ZNRF1: variants seen among roughly 807,000 people sequenced by gnomAD.
ZNRF1 encodes the protein E3 ubiquitin-protein ligase ZNRF1.
Under a neutral mutation model 18.4 loss-of-function variants are expected in ZNRF1, and 3 were observed. The ratio of observed to expected loss-of-function variants is 0.16; its 90% CI spans 0.07 to 0.42. The LOEUF is 0.42. Ranked by LOEUF, ZNRF1 falls within the 10% of genes least tolerant of loss-of-function variation. The pLI, the probability that ZNRF1 is intolerant of heterozygous loss-of-function variation, is 0.99. For missense variants in ZNRF1, 310 were observed against 329.8 expected (o/e 0.94, Z 0.47); for synonymous variants, 157 against 144.2 (o/e 1.09, Z -0.64).
chr16:75,103,068 G>A (rs1019695300), intron 2 of ZNRF1, among the ~76,000 whole-genome samples: 1 of 152,168 alleles, frequency 6.6e-6, no homozygotes, highest in Non-Finnish European at 1.5e-5. Flanking sequence ...GGGCCTGCGC[G>A]TGAGAAGATG....
chr16:75,063,200 G>T (rs898919605), intron 1 of ZNRF1, among the ~76,000 whole-genome samples: 1 of 152,156 alleles, frequency 6.6e-6, no homozygotes, highest in Non-Finnish European at 1.5e-5. Context: ...ACATAGCCCC[G>T]CTTCCCCAGC....
intron 1 of ZNRF1, among the ~76,000 whole-genome samples, chr16:75,024,737 C>A (rs1271779419): frequency 6.6e-6 from 1 of 152,236 alleles, no homozygotes; most frequent in Admixed American, 6.5e-5. Flanking sequence ...CAGAAGACAA[C>A]AGACCTTTGT....
intron 1 of ZNRF1, among the ~76,000 whole-genome samples, chr16:75,075,175 C>T (rs903809058): frequency 6.6e-6 from 1 of 152,182 alleles, no homozygotes; most frequent in Non-Finnish European, 1.5e-5. Context: ...TGGAGGCTGT[C>T]CTAGCTGTCT....
chr16:75,007,242 A>T (rs1271327359), intron 1 of ZNRF1, among the ~76,000 whole-genome samples: 1 of 151,648 alleles, frequency 6.6e-6, no homozygotes, highest in East Asian at 1.9e-4. Context: ...TTTTGTGTAG[A>T]TGGGGTCTCC....
At position 75,015,101 on chromosome 16, in the gene ZNRF1, A is replaced by C. The variant is rs543562200; in HGVS notation, c.424+15006A>C. ...TGTGTCTTCTCTCAGTTTGTGGCTTATCTCTTTATTCTCTTTGTGATTTCT... is the reference window on the plus strand; with the variant it reads ...TGTGTCTTCTCTCAGTTTGTGGCTTCTCTCTTTATTCTCTTTGTGATTTCT... On this transcript the variant is annotated intron_variant, in intron 1 of 4. Coordinates refer to ENST00000335325, the MANE Select transcript of ZNRF1 (RefSeq NM_032268.5). Among the ~76,000 whole-genome samples, 11 of 152,254 alleles carry C rather than the reference A, an allele frequency of 7.2e-5. No homozygotes were observed. In the South Asian group the frequency reaches 2.1e-3, roughly 29 times the overall value.
intron 1 of ZNRF1, among the ~76,000 whole-genome samples, chr16:75,051,044 A>G (rs2035594607): frequency 1.5e-5 from 1 of 68,686 alleles, no homozygotes; most frequent in African/African-American, 3.0e-5. Flanking sequence ...AGAAAAAAAA[A>G]AAAAACAAAA....
Position 75,000,083 on chromosome 16 carries a change from A to T in ZNRF1, c.412A>T (p.Ser138Cys). ...LPLHIAPRWF[S>C]SHSGFKCPIC... Reference sequence around the variant, plus strand: ...TCTGCACATCGCACCCAGGTGGTTCAGCTCGCATAGTGGTGAGTCCGCGGG... The same window carrying T: ...TCTGCACATCGCACCCAGGTGGTTCTGCTCGCATAGTGGTGAGTCCGCGGG... Residue 138 changes from serine (S) to cysteine (C), a missense_variant, in exon 1 of 5, where the codon AGC (serine) becomes TGC (cysteine). Around this residue, in one of 2 missense-constraint regions of ZNRF1, gnomAD observed 293 missense variants for 291.2 expected, o/e 1.01. Transcript: ENST00000335325. 1 of 1,601,028 alleles carries T rather than the reference A, an allele frequency of 6.2e-7. No homozygotes were observed. Among genetic ancestry groups the T allele is most frequent in the Non-Finnish European group, 8.5e-7 (1 of 1,175,042 alleles).
At chr16:75,010,202 C>G (rs934075079) in intron 1 of ZNRF1, among the ~76,000 whole-genome samples, 1 of 152,076 alleles carries the variant, frequency 6.6e-6, no homozygotes, top group South Asian at 2.1e-4. Flanking sequence ...AGGCTGGTCT[C>G]GAACTCCTGG....
At chr16:75,106,408 C>A in intron 3 of ZNRF1, 74 bp from the exon 4 acceptor site, 2 of 1,516,764 alleles carry the variant, frequency 1.3e-6, no homozygotes, top group Non-Finnish European at 1.8e-6. Flanking sequence ...AGGAATCTGG[C>A]CCTCTGAAAG....
intron 1 of ZNRF1, among the ~76,000 whole-genome samples, chr16:75,006,661 C>T (rs1294574834): frequency 6.6e-6 from 1 of 152,170 alleles, no homozygotes; most frequent in Non-Finnish European, 1.5e-5. Flanking sequence ...GTCTCGAACT[C>T]CTGACCTCGG....
chr16:75,055,042 C>T (rs1441752511), intron 1 of ZNRF1, among the ~76,000 whole-genome samples: 1 of 152,148 alleles, frequency 6.6e-6, no homozygotes, highest in Admixed American at 6.5e-5. Flanking sequence ...AAAGACGGCC[C>T]TTTGTAACAG....
At chr16:75,103,097 T>C (rs979326410) in intron 2 of ZNRF1, among the ~76,000 whole-genome samples, 5 of 152,192 alleles carry the variant, frequency 3.3e-5, no homozygotes, top group African/African-American at 4.8e-5. Context: ...GTCCTCATGC[T>C]GTGCCTTTTG....
At chr16:75,042,871 G>T (rs566015394) in intron 1 of ZNRF1, among the ~76,000 whole-genome samples, 2 of 152,144 alleles carry the variant, frequency 1.3e-5, no homozygotes, top group Non-Finnish European at 2.9e-5. Context: ...TATAATAAGC[G>T]AAGGCCTGCT....
chr16:75,095,843 G>A lies in ZNRF1; in HGVS notation c.520+2176G>A, dbSNP rs113656487. 1,033 of 1,266,434 alleles carry A rather than the reference G, an allele frequency of 8.2e-4. 1 individual carries two copies. Among genetic ancestry groups the A allele is most frequent in the Non-Finnish European group, 9.9e-4 (946 of 958,532 alleles). 78.4% of individuals were successfully genotyped at this position (1,266,434 alleles called of 1,614,324 possible). A position where few individuals can be genotyped will look rare whatever the true frequency, so the allele number is the denominator to read the frequency against. On this transcript the variant is annotated intron_variant, in intron 2 of 4. Transcript: ENST00000335325. ...CTGTATCAGCACTTGAGTGCCTGGC[G>A]CTGTTGGTTTACCCCCCTACACCCC...
chr16:75,036,193 C>T (rs1160702333), intron 1 of ZNRF1, among the ~76,000 whole-genome samples: 2 of 152,202 alleles, frequency 1.3e-5, no homozygotes, highest in African/African-American at 2.4e-5. Flanking sequence ...ACCTCAGCCT[C>T]CTGGGTAGCT....
intron 1 of ZNRF1, among the ~76,000 whole-genome samples, chr16:75,021,134 G>A (rs770838460): frequency 1.3e-5 from 2 of 152,068 alleles, no homozygotes; most frequent in African/African-American, 2.4e-5. Context: ...TCCACCTCCC[G>A]GGTTCAAGTG....
At chr16:75,010,735 G>T in intron 1 of ZNRF1, among the ~76,000 whole-genome samples, 2 of 56,058 alleles carry the variant, frequency 3.6e-5, no homozygotes, top group African/African-American at 6.4e-5. Context: ...TTTTTTTTGA[G>T]GAGTCTCGCT....
At chr16:75,017,078 A>G (rs932349651) in intron 1 of ZNRF1, among the ~76,000 whole-genome samples, 2 of 152,162 alleles carry the variant, frequency 1.3e-5, no homozygotes, top group Non-Finnish European at 2.9e-5. Context: ...ACTATATTGC[A>G]CAAACAATAA....
chr16:75,101,583 A>G (rs1257551676), intron 2 of ZNRF1, among the ~76,000 whole-genome samples: 2 of 152,072 alleles, frequency 1.3e-5, no homozygotes, highest in Non-Finnish European at 2.9e-5. Flanking sequence ...TACATAGCAC[A>G]TGCACCACCT....
Sources: allele counts gnomAD v4.1 joint callset (sites outside exome capture counted in the v4.1 genomes callset), GRCh38; gene constraint gnomAD v4.1.1; regional missense constraint gnomAD v4.1.1; transcripts MANE v1.5; gene names NCBI Gene and HGNC (gene_info 2026-07-23, HGNC 2026-07-21).